The following RIMBP2 variants were observed in gnomAD, a reference collection of about 807,000 sequenced individuals.
RIMBP2 encodes the protein RIMS binding protein 2.
In RIMBP2, 48 loss-of-function variants were observed where a neutral mutation model predicts 118.6. That is an observed-to-expected ratio of 0.40 (90% confidence interval 0.32 to 0.51). RIMBP2 has a LOEUF of 0.51. Among genes scored for constraint, RIMBP2 ranks in the 20% least tolerant of loss-of-function variants. The probability of loss-of-function intolerance (pLI) is 0.41; values close to 1 mark genes in which losing one functional copy is unlikely to be tolerated. For missense variants in RIMBP2, 1,551 were observed against 1,768.3 expected, an observed-to-expected ratio of 0.88 and a Z score of 2.20; for synonymous variants, 762 against 742.9, an observed-to-expected ratio of 1.03 and a Z score of -0.42.
At chr12:130,535,726 T>C (rs1454028501) in intron 2 of RIMBP2, among the ~76,000 whole-genome samples, 5 of 45,814 alleles carry the variant, frequency 1.1e-4, no homozygotes, top group Admixed American at 7.6e-4. Flanking sequence ...TACATATATA[T>C]ACATATATAT....
chr12:130,400,122 C>T (rs2074387967), intron 21 of RIMBP2, among the ~76,000 whole-genome samples: 1 of 152,146 alleles, frequency 6.6e-6, no homozygotes, highest in African/African-American at 2.4e-5. Flanking sequence ...CTTGGCAGAT[C>T]TCATTTAGTG....
At chr12:130,701,436 T>C (rs2065848693) in intron 1 of RIMBP2, among the ~76,000 whole-genome samples, 2 of 152,188 alleles carry the variant, frequency 1.3e-5, no homozygotes, top group South Asian at 4.1e-4. Flanking sequence ...TTACAACCCC[T>C]GAAGACACAA....
chr12:130,551,551 T>TA (rs1566247722), intron 2 of RIMBP2, among the ~76,000 whole-genome samples: 19 of 107,972 alleles, frequency 1.8e-4, no homozygotes, highest in Non-Finnish European at 3.6e-4. Context: ...TTCTTAGATT[T>TA]CTTTTTTTTC....
intron 1 of RIMBP2, among the ~76,000 whole-genome samples, chr12:130,686,258 C>G (rs958107406): frequency 6.6e-6 from 1 of 152,216 alleles, no homozygotes; most frequent in Non-Finnish European, 1.5e-5. Flanking sequence ...GTGGCCTCAT[C>G]ATGGAGCTAT....
intron 4 of RIMBP2, among the ~76,000 whole-genome samples, chr12:130,496,175 G>A (rs1260669810): frequency 6.6e-6 from 1 of 152,208 alleles, no homozygotes; most frequent in Non-Finnish European, 1.5e-5. Context: ...CCTGGTGGGA[G>A]ATAATTGGAT....
At chr12:130,659,320 C>T (rs1038269288) in intron 1 of RIMBP2, among the ~76,000 whole-genome samples, 10 of 151,670 alleles carry the variant, frequency 6.6e-5, no homozygotes, top group African/African-American at 2.4e-4. Flanking sequence ...GCCTGTAATC[C>T]CAGCACTCTG....
chr12:130,702,402 G>A lies in RIMBP2; in HGVS notation c.-352+13820C>T, dbSNP rs143407431. On this transcript the variant is annotated intron_variant, in intron 1 of 22. Coordinates refer to ENST00000690449, the MANE Select transcript of RIMBP2 (RefSeq NM_001393629.1). ...GTGTTGGCACATGCCCGTAATCCCA[G>A]CTACTTGGGAGGCTGAAGCAGAAGA... Among the ~76,000 whole-genome samples, 23 of 152,252 alleles carry A rather than the reference G, an allele frequency of 1.5e-4. No homozygotes were observed. In the East Asian group the frequency reaches 4.1e-3, roughly 27 times the overall value.
chr12:130,498,913 A>G (rs550161201), intron 4 of RIMBP2, among the ~76,000 whole-genome samples: 4 of 152,304 alleles, frequency 2.6e-5, no homozygotes, highest in Non-Finnish European at 5.9e-5. Context: ...CAGCCACTCA[A>G]TTTTGGGGTT....
chr12:130,458,565 C>A (rs1418267922), intron 6 of RIMBP2, among the ~76,000 whole-genome samples: 3 of 152,206 alleles, frequency 2.0e-5, no homozygotes, highest in Non-Finnish European at 4.4e-5. Flanking sequence ...CAAGGCCGGA[C>A]CCCGGAAGGC....
chr12:130,634,875 A>G (rs1445328651), intron 1 of RIMBP2, among the ~76,000 whole-genome samples: 3 of 152,218 alleles, frequency 2.0e-5, no homozygotes, highest in Admixed American at 2.0e-4. Flanking sequence ...CTGGGATTAC[A>G]GGCCTGAGCC....
At chr12:130,657,238 G>C (rs544645304) in intron 1 of RIMBP2, among the ~76,000 whole-genome samples, 2 of 152,148 alleles carry the variant, frequency 1.3e-5, no homozygotes, top group Non-Finnish European at 2.9e-5. Flanking sequence ...TGGGATGAGG[G>C]CACATCCTCA....
chr12:130,664,428 CATGCAT>C (rs1161005944), intron 1 of RIMBP2, among the ~76,000 whole-genome samples: 1 of 67,550 alleles, frequency 1.5e-5, no homozygotes, highest in Non-Finnish European at 3.9e-5. Flanking sequence ...CACGCACACA[CATGCAT>C]GCACGCACAC....
At chr12:130,664,415 A>ACACGCACGCACACACACGCACG (rs1555320883) in intron 1 of RIMBP2, among the ~76,000 whole-genome samples, 1 of 130,496 alleles carries the variant, frequency 7.7e-6, no homozygotes, top group Non-Finnish European at 1.7e-5. Flanking sequence ...ACGCACGCAC[A>ACACGCACGCACACACACGCACG]CACACGCACA....
At chr12:130,608,121 C>A (rs1236984767) in intron 2 of RIMBP2, among the ~76,000 whole-genome samples, 1 of 152,354 alleles carries the variant, frequency 6.6e-6, no homozygotes, top group Admixed American at 6.5e-5. Context: ...GACCTCCCAG[C>A]CCCTGCCTGG....
intron 2 of RIMBP2, among the ~76,000 whole-genome samples, chr12:130,590,639 G>A (rs557317648): frequency 3.9e-5 from 6 of 152,330 alleles, no homozygotes; most frequent in South Asian, 4.1e-4. Flanking sequence ...TAGGTGGCAG[G>A]TGGAGCTCCC....
At chr12:130,544,232 G>A (rs1344501327) in intron 2 of RIMBP2, among the ~76,000 whole-genome samples, 1 of 152,162 alleles carries the variant, frequency 6.6e-6, no homozygotes, top group East Asian at 1.9e-4. Flanking sequence ...TCCTGGAAGG[G>A]GAAGAGATGC....
intron 7 of RIMBP2, 110 bp from the exon 8 acceptor site, chr12:130,451,450 T>C: frequency 8.4e-7 from 1 of 1,192,664 alleles, no homozygotes; most frequent in Non-Finnish European, 1.2e-6. Context: ...CAACAGCCAC[T>C]GATTTTCATT....
chr12:130,450,188 G>A lies in RIMBP2; in HGVS notation c.581+12C>T. The A allele has an allele frequency of 1.3e-6, 2 of 1,589,708 alleles. No individual in the cohort carries two copies. Among genetic ancestry groups the A allele is most frequent in the Middle Eastern group, 3.3e-4 (2 of 6,024 alleles). ...CACAGGGGCTCGGTGGACGCCGAGG[G>A]GCCGCACTTACCTATAGCGGGCAAC... On this transcript the variant is annotated intron_variant, in intron 9 of 22. Transcript: ENST00000690449. This position sits in a 1 kb window ranked among gnomAD's most constrained non-coding sequence, Gnocchi z 4.8.
intron 6 of RIMBP2, among the ~76,000 whole-genome samples, chr12:130,467,987 T>C (rs1593412428): frequency 6.6e-6 from 1 of 152,188 alleles, no homozygotes. Context: ...GCGCCCTCTA[T>C]TGTATCTGGC....
Sources: gnomAD v4.1 joint callset for allele counts (sites outside exome capture counted in the v4.1 genomes callset) on GRCh38, gnomAD v4.1.1 for gene constraint, Gnocchi (gnomAD v3.1) non-coding constraint, MANE v1.5 for transcripts, NCBI Gene and HGNC (gene_info 2026-07-23, HGNC 2026-07-21) for gene names.